Variants in CNTN4 observed in about 807,000 individuals in gnomAD.
The protein encoded by CNTN4 is contactin-4.
CNTN4 carries 77 observed loss-of-function variants against 122.5 expected under a neutral mutation model. The observed-to-expected ratio is 0.63, with a 90% CI of 0.52 to 0.76. The LOEUF is 0.76. Among genes scored for constraint, CNTN4 ranks in the 30% least tolerant of loss-of-function variants. CNTN4 has a pLI of 0.00. For synonymous variants in CNTN4, 512 were observed against 447.0 expected (o/e 1.15, Z -1.83); for missense variants, 1,256 against 1,259.1 (o/e 1.00, Z 0.04).
intron 2 of CNTN4, among the ~76,000 whole-genome samples, chr3:2,290,957 AT>A (rs1193684509): frequency 6.6e-6 from 1 of 152,236 alleles, no homozygotes. Flanking sequence ...AAAGCCTTAC[AT>A]TATAAATTAA....
At chr3:2,663,542 T>C (rs1206057078) in intron 4 of CNTN4, among the ~76,000 whole-genome samples, 1 of 152,042 alleles carries the variant, frequency 6.6e-6, no homozygotes, top group African/African-American at 2.4e-5. Flanking sequence ...AACTTGAGGG[T>C]GGTCAGCATG....
At chr3:3,044,288 T>A (rs147116905) in intron 23 of CNTN4, among the ~76,000 whole-genome samples, 4 of 152,332 alleles carry the variant, frequency 2.6e-5, no homozygotes, top group Non-Finnish European at 5.9e-5. Context: ...TCCAGCTACC[T>A]ATTTGCTACC....
chr3:2,392,705 G>T (rs1054860949), intron 3 of CNTN4, among the ~76,000 whole-genome samples: 2 of 152,102 alleles, frequency 1.3e-5, no homozygotes, highest in South Asian at 2.1e-4. Flanking sequence ...ACTATCGTCA[G>T]CATGTTGTGC....
intron 14 of CNTN4, among the ~76,000 whole-genome samples, chr3:3,019,834 A>G (rs922327356): frequency 7.4e-5 from 11 of 149,230 alleles, no homozygotes; most frequent in African/African-American, 2.7e-4. Flanking sequence ...ATATTTACAC[A>G]CATATATTGT....
Position 2,708,715 on chromosome 3 carries a change from C to T in CNTN4, c.56-27500C>T, listed in dbSNP as rs149331121. 8.1e-4 allele frequency among the ~76,000 whole-genome samples: 119 copies of T among 147,362 alleles called. 1 individual carries two copies. Among genetic ancestry groups the T allele is most frequent in the African/African-American group, 9.6e-4 (37 of 38,572 alleles). On this transcript the variant is annotated intron_variant, in intron 4 of 24. Coordinates refer to ENST00000418658, the MANE Select transcript of CNTN4 (RefSeq NM_175607.3). ...GAGCACGTCCATGCACGCAGGCACG[C>T]GCACGCGCGCATCACACACACACAC... is the stretch of plus-strand genomic sequence containing the variant.
At chr3:2,130,878 G>C (rs2034418448) in intron 2 of CNTN4, among the ~76,000 whole-genome samples, 1 of 152,100 alleles carries the variant, frequency 6.6e-6, no homozygotes, top group South Asian at 2.1e-4. Flanking sequence ...ATAGAATCTT[G>C]GGCAATGGCC....
Position 2,966,954 on chromosome 3 carries a change from A to G in CNTN4, c.1359-21391A>G, listed in dbSNP as rs191694367. Among the ~76,000 whole-genome samples the G allele has an allele frequency of 4.6e-5, 7 of 152,338 alleles. No homozygotes were observed. The South Asian group carries it at 8.3e-4, about 18-fold the overall frequency. On this transcript the variant is annotated intron_variant, in intron 13 of 24. Coordinates refer to ENST00000418658, the MANE Select transcript of CNTN4 (RefSeq NM_175607.3). ...AGTTCAGCCATATTGTAACTGCTCA[A>G]TGGGTTCACCCTGCCTGCTGCCTAG...
At chr3:2,421,561 A>G (rs574429356) in intron 3 of CNTN4, among the ~76,000 whole-genome samples, 2 of 152,236 alleles carry the variant, frequency 1.3e-5, no homozygotes. Flanking sequence ...CCCAGCCTTC[A>G]TATTGTTTAT....
chr3:2,974,777 C>A (rs1273018853), intron 13 of CNTN4, among the ~76,000 whole-genome samples: 1 of 152,108 alleles, frequency 6.6e-6, no homozygotes, highest in Non-Finnish European at 1.5e-5. Context: ...AGTGAATGAG[C>A]TAGTAGATTC....
chr3:2,691,412 G>A (rs1250141524), intron 4 of CNTN4, among the ~76,000 whole-genome samples: 1 of 152,128 alleles, frequency 6.6e-6, no homozygotes, highest in Non-Finnish European at 1.5e-5. Context: ...GAAGAGGAGG[G>A]TAGAGGGAAA....
At chr3:3,052,094 G>A (rs774184133) in intron 23 of CNTN4, among the ~76,000 whole-genome samples, 4 of 152,160 alleles carry the variant, frequency 2.6e-5, no homozygotes, top group South Asian at 4.1e-4. Flanking sequence ...AGAACTACGC[G>A]TCTAATTCAT....
At chr3:2,536,406 G>C (rs937748194) in intron 3 of CNTN4, among the ~76,000 whole-genome samples, 1 of 151,982 alleles carries the variant, frequency 6.6e-6, no homozygotes, top group African/African-American at 2.4e-5. Flanking sequence ...CATATACTGA[G>C]ACCAATTTTT....
intron 2 of CNTN4, among the ~76,000 whole-genome samples, chr3:2,256,661 C>G (rs1006871256): frequency 6.6e-6 from 1 of 151,946 alleles, no homozygotes; most frequent in Non-Finnish European, 1.5e-5. Flanking sequence ...AGGCAGAGAG[C>G]CAAATCATGA....
intron 13 of CNTN4, among the ~76,000 whole-genome samples, chr3:2,975,806 G>A (rs1693365379): frequency 6.6e-6 from 1 of 151,818 alleles, no homozygotes; most frequent in African/African-American, 2.4e-5. Flanking sequence ...TGATGCTTTG[G>A]TAAAAGTATA....
intron 4 of CNTN4, among the ~76,000 whole-genome samples, chr3:2,719,106 T>C (rs1409504706): frequency 1.3e-5 from 2 of 152,216 alleles, no homozygotes; most frequent in African/African-American, 4.8e-5. Context: ...TCAGTGAAGA[T>C]ATGTTCAATG....
chr3:2,191,122 G>A (rs756796848), intron 2 of CNTN4, among the ~76,000 whole-genome samples: 2 of 151,968 alleles, frequency 1.3e-5, no homozygotes, highest in Non-Finnish European at 2.9e-5. Flanking sequence ...AAGAGATGGG[G>A]TCTGTCTTGC....
intron 13 of CNTN4, among the ~76,000 whole-genome samples, chr3:2,946,282 T>C (rs1577361467): frequency 6.6e-6 from 1 of 152,282 alleles, no homozygotes; most frequent in East Asian, 1.9e-4. Flanking sequence ...AAGGGGATGC[T>C]TTGGAAAATC....
At chr3:2,696,717 A>G (rs983555553) in intron 4 of CNTN4, among the ~76,000 whole-genome samples, 5 of 152,346 alleles carry the variant, frequency 3.3e-5, no homozygotes, top group African/African-American at 1.2e-4. Flanking sequence ...CAGTTTCTTA[A>G]TATGGAGGTT....
rs1179991688 is a variant in CNTN4 at position 2,924,211 on chromosome 3, A to G, written c.1208-1418A>G. 3.3e-5 allele frequency among the ~76,000 whole-genome samples: 5 copies of G among 152,302 alleles called. No homozygotes were observed. The East Asian group carries it at 9.6e-4, about 29-fold the overall frequency. On this transcript the variant is annotated intron_variant, in intron 12 of 24. Coordinates refer to ENST00000418658, the MANE Select transcript of CNTN4 (RefSeq NM_175607.3). ...CCGAAAGTATTTCCACAACAAAAGA[A>G]TGTAATCAAGATTTGACTTGCTTCC...
Sources: gnomAD v4.1 joint callset for allele counts (sites outside exome capture counted in the v4.1 genomes callset) on GRCh38, gnomAD v4.1.1 for gene constraint, MANE v1.5 for transcripts, NCBI Gene and HGNC (gene_info 2026-07-23, HGNC 2026-07-21) for gene names.